PIK3C2A: variants seen among roughly 807,000 people sequenced by gnomAD.
PIK3C2A encodes phosphatidylinositol 4-phosphate 3-kinase C2 domain-containing subunit alpha.
Under a neutral mutation model 204.5 loss-of-function variants are expected in PIK3C2A, and 97 were observed. That is an observed-to-expected ratio of 0.47 (90% CI 0.40 to 0.56). PIK3C2A has a LOEUF of 0.56. PIK3C2A is among the 20% of genes least tolerant of loss of function. The probability of loss-of-function intolerance (pLI) is 0.00; values close to 1 mark genes in which losing one functional copy is unlikely to be tolerated. For synonymous variants in PIK3C2A, 653 were observed against 664.4 expected (o/e 0.98, Z 0.26); for missense variants, 1,735 against 1,969.2 (o/e 0.88, Z 2.25).
chr11:17,095,935 A>C lies in PIK3C2A; in HGVS notation c.4326+1122T>G, dbSNP rs977645107. Among the ~76,000 whole-genome samples the C allele has an allele frequency of 8.6e-5, 13 of 151,940 alleles. No homozygotes were observed. The South Asian group carries it at 1.9e-3, about 22-fold the overall frequency. On this transcript the variant is annotated intron_variant, in intron 27 of 32. Transcript: ENST00000691414. ...CTTTTATATTTATAAAATAAAATAA[A>C]ATAACATAACATAAAATAAAATAAA... is the stretch of plus-strand genomic sequence containing the variant.
chr11:17,206,907 G>A (rs1830834611), intron 1 of PIK3C2A, among the ~76,000 whole-genome samples: 1 of 152,178 alleles, frequency 6.6e-6, no homozygotes, highest in African/African-American at 2.4e-5. Flanking sequence ...CTTGTTCAAA[G>A]AGGCAGGCCT....
chr11:17,097,828 TG>T (rs1848496630), intron 26 of PIK3C2A, among the ~76,000 whole-genome samples: 1 of 152,124 alleles, frequency 6.6e-6, no homozygotes, highest in Non-Finnish European at 1.5e-5. Flanking sequence ...GCAGGAGAAT[TG>T]CTTGAACCCA....
In PIK3C2A at chr11:17,114,354, G is replaced by A. The variant is rs749619382; in HGVS notation, c.3321+7C>T. The A allele has an allele frequency of 7.8e-7, 1 of 1,288,204 alleles. No individual in the cohort carries two copies. The highest frequency in any genetic ancestry group is 1.1e-6 in the Non-Finnish European group (1 of 883,870). 79.8% of individuals were successfully genotyped at this position (1,288,204 alleles called of 1,614,324 possible). On this transcript the variant is annotated splice_region_variant and intron_variant, in intron 20 of 32. Coordinates refer to ENST00000691414, the MANE Select transcript of PIK3C2A (RefSeq NM_002645.4). ...TAATATGAACTTATAAGTATTTTAT[G>A]TGTCACCTTAATATTTAATTCTTTT...
In PIK3C2A at chr11:17,090,075, T is replaced by C. The variant is rs541083093; in HGVS notation, c.4879-155A>G. On this transcript the variant is annotated intron_variant, in intron 32 of 32. Transcript: ENST00000691414. Reference sequence around the variant, plus strand: ...TCCGGTAGGTTTTGTCTGAATACTTTAGAAGGACATTTTGTGTTTCAGGAG... The same window carrying C: ...TCCGGTAGGTTTTGTCTGAATACTTCAGAAGGACATTTTGTGTTTCAGGAG... Among the ~76,000 whole-genome samples the C allele has an allele frequency of 3.9e-5, 6 of 152,364 alleles. 1 individual carries two copies. Among genetic ancestry groups the C allele is most frequent in the Middle Eastern group, 3.4e-3 (1 of 294 alleles).
At chr11:17,186,334 ATTTAT>A (rs1851749938) in intron 1 of PIK3C2A, among the ~76,000 whole-genome samples, 2 of 151,830 alleles carry the variant, frequency 1.3e-5, no homozygotes, top group Non-Finnish European at 2.9e-5. Flanking sequence ...ATATTTACTT[ATTTAT>A]TTTGTTTATT....
chr11:17,182,155 G>A (rs1286543169), intron 1 of PIK3C2A, among the ~76,000 whole-genome samples: 3 of 151,774 alleles, frequency 2.0e-5, no homozygotes, highest in African/African-American at 7.3e-5. Context: ...AAGAAATATA[G>A]TGGGGACTTT....
At chr11:17,181,954 G>T (rs1012519143) in intron 1 of PIK3C2A, among the ~76,000 whole-genome samples, 1 of 151,656 alleles carries the variant, frequency 6.6e-6, no homozygotes, top group East Asian at 1.9e-4. Flanking sequence ...TCAGCCAGGC[G>T]TGGTGGCACA....
intron 21 of PIK3C2A, 117 bp downstream of exon 21, chr11:17,112,457 T>C: frequency 2.3e-6 from 1 of 428,868 alleles, no homozygotes; most frequent in Non-Finnish European, 4.1e-6. Context: ...TGTGTAAAAA[T>C]AAATAAATAA....
rs1848204490 is a variant in PIK3C2A at position 17,088,269 on chromosome 11, A to AT, written c.*1468dup. The AT allele has an allele frequency of 6.6e-6, 1 of 151,916 alleles. No individual in the cohort carries two copies. The highest frequency in any genetic ancestry group is 2.1e-4 in the South Asian group (1 of 4,824). 9.4% of individuals were successfully genotyped at this position (151,916 alleles called of 1,614,324 possible). On this transcript the variant is annotated 3_prime_UTR_variant, in exon 33 of 33. Coordinates refer to ENST00000691414, the MANE Select transcript of PIK3C2A (RefSeq NM_002645.4). ...TACTCTTTTTTTCTTTTTTTTTAAG[A>AT]TGGAGTTTTGCTCTTGTCACCCAGG...
intron 1 of PIK3C2A, among the ~76,000 whole-genome samples, chr11:17,205,159 G>A (rs978433840): frequency 5.5e-5 from 8 of 146,062 alleles, no homozygotes; most frequent in Admixed American, 1.4e-4. Context: ...CCTGGGTGAC[G>A]GAGTGAGACT....
rs1297272602 is a variant in PIK3C2A, at chr11:17,147,485, A to C, written c.1560+32T>G. 6 of 1,164,656 alleles carry C rather than the reference A, an allele frequency of 5.2e-6. No individual in the cohort carries two copies. In the South Asian group the frequency reaches 7.7e-5, roughly 15 times the overall value. 72.1% of individuals were successfully genotyped at this position (1,164,656 alleles called of 1,614,324 possible). The stretch of plus-strand genomic sequence containing the variant: ...TTAGCAGAATTATTCAGATTCAAAC[A>C]AATGGAATTCAGTTATGAGGTACAC... On this transcript the variant is annotated intron_variant, in intron 6 of 32. Coordinates refer to ENST00000691414, the MANE Select transcript of PIK3C2A (RefSeq NM_002645.4).
At position 17,117,602 on chromosome 11, in the gene PIK3C2A, C is replaced by A. The variant is rs1849238774; in HGVS notation, c.3105G>T (p.Leu1035=). Reference sequence around the variant, plus strand: ...CTCTAAGTCGTTTTCCTCCTACTGACAGGAGAGCACCCAAAACATGTTCGT... The same window carrying A: ...CTCTAAGTCGTTTTCCTCCTACTGAAAGGAGAGCACCCAAAACATGTTCGT... ...TRYEHVLGAL[L]SVGGKRLREE... is the part of the protein sequence containing the mutation. The change falls in exon 19 of 33, where the codon CTG becomes CTT. Residue 1035 remains leucine, a synonymous_variant. Transcript: ENST00000691414. 1 of 1,612,566 alleles carries A rather than the reference C, an allele frequency of 6.2e-7. No homozygotes were observed. Among genetic ancestry groups the A allele is most frequent in the Non-Finnish European group, 8.5e-7 (1 of 1,179,056 alleles).
intron 16 of PIK3C2A, 68 bp downstream of exon 16, chr11:17,119,718 C>A: frequency 1.1e-6 from 1 of 919,304 alleles, no homozygotes; most frequent in South Asian, 1.9e-5. Flanking sequence ...AAAGGAAATA[C>A]TTCTGGCAAC....
chr11:17,129,334 C>G lies in PIK3C2A; in HGVS notation c.2365G>C (p.Gly789Arg). Residue 789 changes from glycine to arginine, a missense_variant, in exon 13 of 33, where the codon GGC becomes CGC. Around this residue, in one of 6 missense-constraint regions of PIK3C2A, gnomAD observed 567 missense variants for 576.0 expected, o/e 0.98. Transcript: ENST00000691414. Reference sequence around the variant, plus strand: ...TCAAAAAGAGGTAAAGAAACTTTGCCCAAAGCTTCTGGTCCCTTTCTCTGC... The same window carrying G: ...TCAAAAAGAGGTAAAGAAACTTTGCGCAAAGCTTCTGGTCCCTTTCTCTGC... ...NKQRKGPEAL[G>R]KVSLPLFDFK... 1 of 1,613,760 alleles carries G rather than the reference C, an allele frequency of 6.2e-7. No homozygotes were observed. The highest frequency in any genetic ancestry group is 1.3e-5 in the African/African-American group (1 of 74,980).
intron 19 of PIK3C2A, among the ~76,000 whole-genome samples, chr11:17,116,647 T>C (rs1185795848): frequency 1.3e-5 from 2 of 152,016 alleles, no homozygotes; most frequent in Admixed American, 1.3e-4. Flanking sequence ...TGGAGTATAG[T>C]GGCTCGATCT....
chr11:17,199,403 A>C (rs1218677186), intron 1 of PIK3C2A, among the ~76,000 whole-genome samples: 2 of 152,234 alleles, frequency 1.3e-5, no homozygotes, highest in Admixed American at 6.5e-5. Context: ...TGAAAATAGG[A>C]GTACACTAAT....
At chr11:17,113,018 T>C (rs1295428663) in intron 20 of PIK3C2A, among the ~76,000 whole-genome samples, 1 of 151,988 alleles carries the variant, frequency 6.6e-6, no homozygotes, top group African/African-American at 2.4e-5. Flanking sequence ...ATTTTATTTA[T>C]TTATTTTTTT....
At chr11:17,129,942 T>A (rs1849643523) in intron 12 of PIK3C2A, among the ~76,000 whole-genome samples, 1 of 152,210 alleles carries the variant, frequency 6.6e-6, no homozygotes, top group Non-Finnish European at 1.5e-5. Flanking sequence ...GGCTAACTTG[T>A]CCTATTAACA....
At chr11:17,100,046 C>A in intron 25 of PIK3C2A, 77 bp from the exon 26 acceptor site, 2 of 730,014 alleles carry the variant, frequency 2.7e-6, no homozygotes, top group South Asian at 3.2e-5. Flanking sequence ...GTGGGCTGCT[C>A]AAGTAATCAG....
Sources: allele counts gnomAD v4.1 joint callset (sites outside exome capture counted in the v4.1 genomes callset), GRCh38; gene constraint gnomAD v4.1.1; regional missense constraint gnomAD v4.1.1; transcripts MANE v1.5; gene names NCBI Gene and HGNC (gene_info 2026-07-23, HGNC 2026-07-21).